WNK2: variants seen among roughly 807,000 people sequenced by gnomAD.
WNK2 encodes serine/threonine-protein kinase WNK2.
Under a neutral mutation model 192.1 loss-of-function variants are expected in WNK2, and 67 were observed. The observed-to-expected ratio is 0.35, with a 90% CI of 0.29 to 0.43. The LOEUF (loss-of-function observed/expected upper bound fraction) is 0.43. WNK2 is among the 20% of genes least tolerant of loss of function. The probability of loss-of-function intolerance (pLI) is 1.00; values close to 1 mark genes in which losing one functional copy is unlikely to be tolerated. For synonymous variants in WNK2, 1,439 were observed against 1,393.9 expected (o/e 1.03, Z -0.72); for missense variants, 2,698 against 3,089.7 (o/e 0.87, Z 3.01).
Position 93,247,022 on chromosome 9 carries a change from C to G in WNK2, c.1543-521C>G, listed in dbSNP as rs1269497178. 6.6e-6 allele frequency among the ~76,000 whole-genome samples: 1 copy of G among 152,204 alleles called. No homozygotes were observed. The highest frequency in any genetic ancestry group is 2.1e-4 in the South Asian group (1 of 4,826). ...GCTCTCAAGGCTGTGCTTGGTAAAT[C>G]AGTTTTAAAATTTGCCAGGCATCAG... On this transcript the variant is annotated intron_variant, in intron 7 of 29. Transcript: ENST00000427277. The surrounding 1 kb of genome is among the most constrained non-coding windows in gnomAD (Gnocchi z 5.2).
rs765414268 is a variant in WNK2 at position 93,239,367 on chromosome 9, A to G, written c.1323-390A>G. Reference sequence around the variant, plus strand: ...CGTGGGGGGCTCCGCCTCTGTGTCCATTTTAGACCTACCCAGGACTAAACA... The same window carrying G: ...CGTGGGGGGCTCCGCCTCTGTGTCCGTTTTAGACCTACCCAGGACTAAACA... On this transcript the variant is annotated intron_variant, in intron 6 of 29. Transcript: ENST00000427277. This position sits in a 1 kb window ranked among gnomAD's most constrained non-coding sequence, Gnocchi z 4.2. Among the ~76,000 whole-genome samples the G allele has an allele frequency of 1.3e-5, 2 of 152,228 alleles. No homozygotes were observed. The highest frequency in any genetic ancestry group is 1.3e-4 in the Admixed American group (2 of 15,288).
Position 93,289,259 on chromosome 9 carries a change from C to T in WNK2, c.4505C>T (p.Ala1502Val), listed in dbSNP as rs1401851345. 1 of 1,602,810 alleles carries T rather than the reference C, an allele frequency of 6.2e-7. No individual in the cohort carries two copies. The highest frequency in any genetic ancestry group is 1.7e-5 in the Admixed American group (1 of 59,130). ...GGTCAACCTGCTCCCCTGCTTCCTG[C>T]CGCAGTGGGGGCCGTCAGCCTGGCC... ...ALGQPAPLLP[A>V]AVGAVSLATS... The change falls in exon 20 of 30, where the codon GCC becomes GTC. Residue 1502 changes from alanine (A) to valine (V), a missense_variant. Coordinates refer to ENST00000427277, the MANE Select transcript of WNK2 (RefSeq NM_006648.4).
chr9:93,188,180 G>A (rs1351245175), intron 2 of WNK2, among the ~76,000 whole-genome samples: 3 of 152,144 alleles, frequency 2.0e-5, no homozygotes, highest in Non-Finnish European at 4.4e-5. Flanking sequence ...CCCTACTCCC[G>A]CAGCACCTGC....
Position 93,308,386 on chromosome 9 carries a change from C to G in WNK2, c.6318C>G (p.His2106Gln). Residue 2106 changes from histidine to glutamine, a missense_variant, in exon 28 of 30, where the codon CAC (histidine) becomes CAG (glutamine). Physicochemically the swap from His to Gln is conservative, Grantham distance 24 (BLOSUM62 0). Transcript: ENST00000427277. ...GPEPGPQPAL[H>Q]VQAQVNNSNN... ...AGCCAGGCCCCCAGCCCGCCCTGCA[C>G]GTCCAGGCGCAGGTGAACAACAGCA... 1.3e-6 allele frequency: 2 copies of G among 1,572,492 alleles called. No individual in the cohort carries two copies. The highest frequency in any genetic ancestry group is 1.7e-6 in the Non-Finnish European group (2 of 1,159,652).
At chr9:93,286,093 G>A (rs1848406561) in intron 19 of WNK2, among the ~76,000 whole-genome samples, 1 of 152,170 alleles carries the variant, frequency 6.6e-6, no homozygotes, top group Admixed American at 6.5e-5. Context: ...GTATCATTAT[G>A]GCCCCCACGT....
chr9:93,212,499 C>G (rs900487497), intron 2 of WNK2, among the ~76,000 whole-genome samples: 1 of 152,242 alleles, frequency 6.6e-6, no homozygotes, highest in Non-Finnish European at 1.5e-5. Flanking sequence ...TATGTTGTTT[C>G]TGCCAGGCCC....
chr9:93,265,042 C>G (rs1544229), intron 16 of WNK2, among the ~76,000 whole-genome samples: 60,101 of 152,136 alleles, frequency 0.4, 13,730 homozygotes, highest in Admixed American at 0.51. Flanking sequence ...GAGCAAGTCC[C>G]TGCCTTAGTG....
intron 2 of WNK2, among the ~76,000 whole-genome samples, chr9:93,219,943 G>A (rs1414807549): frequency 6.6e-6 from 1 of 152,210 alleles, no homozygotes; most frequent in African/African-American, 2.4e-5. Context: ...GCTTAGCGCC[G>A]GGCTCCTCCT....
intron 28 of WNK2, chr9:93,309,165 C>G: frequency 1.0e-6 from 1 of 978,048 alleles, no homozygotes; most frequent in Non-Finnish European, 1.2e-6. Flanking sequence ...ATTTCTATCT[C>G]AAATATTTAG....
intron 2 of WNK2, among the ~76,000 whole-genome samples, chr9:93,207,121 G>C (rs748659621): frequency 4.3e-4 from 66 of 152,148 alleles, no homozygotes; most frequent in Admixed American, 3.3e-4. Flanking sequence ...CAGGCCAGCT[G>C]TGCAGGAGGC....
At chr9:93,292,237 G>A (rs1849474471) in intron 21 of WNK2, 71 bp from the exon 22 acceptor site, 11 of 1,551,478 alleles carry the variant, frequency 7.1e-6, no homozygotes, top group Non-Finnish European at 9.8e-6. Flanking sequence ...GGGCTGCTTC[G>A]GGTCAGCTGT....
intron 2 of WNK2, among the ~76,000 whole-genome samples, chr9:93,191,233 T>C (rs903191437): frequency 6.6e-6 from 1 of 152,132 alleles, no homozygotes; most frequent in Non-Finnish European, 1.5e-5. Flanking sequence ...ACTCTGAGGT[T>C]GCGTAAAGCT....
chr9:93,308,925 C>T, intron 28 of WNK2: 1 of 1,143,198 alleles, frequency 8.7e-7, no homozygotes, highest in African/African-American at 1.6e-5. Flanking sequence ...GACAGGCCCA[C>T]CTCTGCCTGA....
chr9:93,248,376 G>C (rs1368542855), intron 8 of WNK2, among the ~76,000 whole-genome samples: 3 of 152,242 alleles, frequency 2.0e-5, no homozygotes, highest in Non-Finnish European at 2.9e-5. Flanking sequence ...CAAATGGGCC[G>C]TGAGCCAGCA....
At chr9:93,301,361 C>T (rs1315071219) in intron 26 of WNK2, among the ~76,000 whole-genome samples, 3 of 152,180 alleles carry the variant, frequency 2.0e-5, no homozygotes, top group Non-Finnish European at 4.4e-5. Context: ...TGCCATCCAC[C>T]CACCCCATCA....
chr9:93,306,880 T>A (rs572394004), intron 27 of WNK2, 59 bp downstream of exon 27: 1 of 1,610,512 alleles, frequency 6.2e-7, no homozygotes, highest in East Asian at 2.2e-5. Flanking sequence ...TTCTCGTGGC[T>A]AGCGCACATC....
chr9:93,185,851 C>T (rs367880277), intron 2 of WNK2, among the ~76,000 whole-genome samples: 5 of 152,200 alleles, frequency 3.3e-5, no homozygotes, highest in Non-Finnish European at 7.3e-5. Context: ...GAGGGCAGGC[C>T]TCTGTTGTGC....
At chr9:93,245,754 A>G (rs888960462) in intron 7 of WNK2, among the ~76,000 whole-genome samples, 1 of 152,136 alleles carries the variant, frequency 6.6e-6, no homozygotes, top group Non-Finnish European at 1.5e-5. Context: ...GAACTGTCCC[A>G]TTGCTGCCTA....
intron 2 of WNK2, among the ~76,000 whole-genome samples, chr9:93,200,471 A>T (rs890633135): frequency 1.3e-5 from 2 of 152,212 alleles, no homozygotes; most frequent in Non-Finnish European, 2.9e-5. Flanking sequence ...CTGGCTGGAC[A>T]GTGATGGCCT....
Sources: allele counts gnomAD v4.1 joint callset (sites outside exome capture counted in the v4.1 genomes callset), GRCh38; gene constraint gnomAD v4.1.1; non-coding constraint Gnocchi (gnomAD v3.1); transcripts MANE v1.5; gene names NCBI Gene and HGNC (gene_info 2026-07-23, HGNC 2026-07-21).